The following CCDC171 variants were observed in gnomAD, a reference collection of about 807,000 sequenced individuals.
CCDC171 encodes the protein coiled-coil domain-containing protein 171.
A neutral mutation model predicts 168.2 loss-of-function variants in CCDC171; 177 were observed. The ratio of observed to expected loss-of-function variants is 1.05; its 90% CI spans 0.93 to 1.19. CCDC171 has a LOEUF of 1.19. CCDC171 is among the 50% of genes most tolerant of loss of function. The pLI, the probability that CCDC171 is intolerant of heterozygous loss-of-function variation, is 0.00. For synonymous variants in CCDC171, 687 were observed against 540.8 expected, an observed-to-expected ratio of 1.27 and a Z score of -3.75; for missense variants, 1,991 against 1,539.0, an observed-to-expected ratio of 1.29 and a Z score of -4.91.
At chr9:15,954,263 G>T (rs1191497730) in intron 25 of CCDC171, among the ~76,000 whole-genome samples, 4 of 150,968 alleles carry the variant, frequency 2.6e-5, no homozygotes, top group African/African-American at 9.7e-5. Context: ...AAGTAGTAAA[G>T]TTAGGTTGTC....
In CCDC171 at chr9:15,627,664, T is replaced by G. The variant is rs143898660; in HGVS notation, c.822+4251T>G. 3.3e-5 allele frequency among the ~76,000 whole-genome samples: 5 copies of G among 152,368 alleles called. No individual in the cohort carries two copies. In the East Asian group the frequency reaches 9.6e-4, roughly 29 times the overall value. ...TCTTAATCCTGAGTTCTAGTTTGAA[T>G]GCACTGTGGTCTTAGAGACAGTTTG... On this transcript the variant is annotated intron_variant, in intron 7 of 25. Transcript: ENST00000380701.
At chr9:15,764,268 G>C (rs2056605670) in intron 18 of CCDC171, among the ~76,000 whole-genome samples, 1 of 152,200 alleles carries the variant, frequency 6.6e-6, no homozygotes, top group East Asian at 1.9e-4. Flanking sequence ...CCATCGGAAA[G>C]TTTTGAGTGG....
chr9:15,727,092 CTT>C (rs2053854443), intron 14 of CCDC171, among the ~76,000 whole-genome samples: 1 of 152,066 alleles, frequency 6.6e-6, no homozygotes, highest in African/African-American at 2.4e-5. Context: ...TTTTAAAGGA[CTT>C]TTAAAAACAT....
At chr9:15,888,952 T>C (rs1819818113) in intron 24 of CCDC171, 1 of 86,496 alleles carries the variant, frequency 1.2e-5, no homozygotes. Flanking sequence ...TTCTTTTCTT[T>C]TTTTTTTTTT....
chr9:15,617,844 A>G (rs2044204692), intron 6 of CCDC171, among the ~76,000 whole-genome samples: 1 of 152,162 alleles, frequency 6.6e-6, no homozygotes, highest in Non-Finnish European at 1.5e-5. Flanking sequence ...AGGCTGGAGA[A>G]CAGCAAAGAT....
Position 15,874,582 on chromosome 9 carries a change from C to T in CCDC171, c.3519C>T (p.Phe1173=). Residue 1173 remains phenylalanine, a synonymous_variant, in exon 24 of 26, where the codon TTC becomes TTT. Coordinates refer to ENST00000380701, the MANE Select transcript of CCDC171 (RefSeq NM_173550.4). ...GGTCTGCGGCAAGTAGGAATGACTT[C>T]ACCCTACAGCTACCCAAACTGCACC... is the stretch of plus-strand genomic sequence containing the variant. ...LSWSAASRND[F]TLQLPKLHLE... The T allele has an allele frequency of 6.2e-7, 1 of 1,607,900 alleles. No individual in the cohort carries two copies. The highest frequency in any genetic ancestry group is 8.5e-7 in the Non-Finnish European group (1 of 1,177,242).
intron 9 of CCDC171, among the ~76,000 whole-genome samples, chr9:15,674,339 G>T (rs913674615): frequency 9.9e-5 from 15 of 152,106 alleles, no homozygotes; most frequent in African/African-American, 1.9e-4. Context: ...TTTTTGAAGG[G>T]TTTTTTGTGT....
chr9:16,033,376 C>T (rs932428841), intron 6 of CCDC171, among the ~76,000 whole-genome samples: 3 of 152,256 alleles, frequency 2.0e-5, no homozygotes, highest in Non-Finnish European at 2.9e-5. Flanking sequence ...CATTACGGCC[C>T]GAGCTCCACC....
intron 10 of CCDC171, 138 bp from the exon 11 acceptor site, chr9:15,695,097 G>A (rs910086362): frequency 1.1e-5 from 7 of 625,192 alleles, no homozygotes; most frequent in South Asian, 2.0e-5. Flanking sequence ...GTATGATTAA[G>A]AGAGAAAGAT....
At chr9:15,874,825 A>G in intron 24 of CCDC171, 162 bp downstream of exon 24, 1 of 679,352 alleles carries the variant, frequency 1.5e-6, no homozygotes, top group Non-Finnish European at 2.1e-6. Flanking sequence ...ACTTTACAAA[A>G]TATTGTTTTT....
intron 3 of CCDC171, among the ~76,000 whole-genome samples, chr9:15,574,538 C>T (rs1175712486): frequency 6.6e-6 from 1 of 152,134 alleles, no homozygotes; most frequent in South Asian, 2.1e-4. Context: ...CTCGACCTCC[C>T]AAAGTGCTGG....
At chr9:15,920,027 T>C (rs547687527) in intron 24 of CCDC171, among the ~76,000 whole-genome samples, 2 of 151,696 alleles carry the variant, frequency 1.3e-5, no homozygotes, top group African/African-American at 4.8e-5. Context: ...TTAAGCACAA[T>C]AGATCAAAGT....
rs1359223249 is a variant in CCDC171, at chr9:15,821,935, A to C, written c.3268-24767A>C. Among the ~76,000 whole-genome samples, 2 of 151,382 alleles carry C rather than the reference A, an allele frequency of 1.3e-5. 1 individual carries two copies. The highest frequency in any genetic ancestry group is 2.9e-5 in the Non-Finnish European group (2 of 67,848). On this transcript the variant is annotated intron_variant, in intron 21 of 25. Coordinates refer to ENST00000380701, the MANE Select transcript of CCDC171 (RefSeq NM_173550.4). ...ATCACGCTACCTGACTTCAAACTAT[A>C]CAACAAGGCTACAGTAACCAAAACA...
At chr9:16,071,626 C>G in the CCDC171 span, among the ~76,000 whole-genome samples, 1 of 152,234 alleles carries the variant, frequency 6.6e-6, no homozygotes, top group African/African-American at 2.4e-5. Flanking sequence ...TGGTATGTCC[C>G]TCCTGCTCCT....
chr9:16,018,343 A>G (rs1333060274), intron 3 of CCDC171, among the ~76,000 whole-genome samples: 1 of 152,120 alleles, frequency 6.6e-6, no homozygotes. Context: ...GATTCCATAT[A>G]CTCCCACATT....
At chr9:15,669,516 A>T (rs932124745) in intron 9 of CCDC171, among the ~76,000 whole-genome samples, 2 of 152,144 alleles carry the variant, frequency 1.3e-5, no homozygotes, top group Non-Finnish European at 2.9e-5. Flanking sequence ...AATATGTGAT[A>T]GATTATTGTT....
chr9:15,620,998 C>G (rs1285417567), intron 6 of CCDC171, among the ~76,000 whole-genome samples: 1 of 152,164 alleles, frequency 6.6e-6, no homozygotes, highest in Non-Finnish European at 1.5e-5. Flanking sequence ...CAGAGTCCTG[C>G]TCTCTCGCCC....
At chr9:15,743,607 T>C (rs1406014776) in intron 16 of CCDC171, among the ~76,000 whole-genome samples, 1 of 152,226 alleles carries the variant, frequency 6.6e-6, no homozygotes, top group Admixed American at 6.5e-5. Flanking sequence ...AAGTTTTGGA[T>C]TGTAAGCAAC....
rs559526565 is a variant in CCDC171, at chr9:15,598,963, G to A, written c.675+4791G>A. On this transcript the variant is annotated intron_variant, in intron 6 of 25. Transcript: ENST00000380701. ...TAAAGTCTGTTTTATCAGAGACTAG[G>A]ATTGCAACCCCTGCCTTTTTTGTTT... 5.3e-5 allele frequency among the ~76,000 whole-genome samples: 8 copies of A among 152,170 alleles called. No homozygotes were observed. In the East Asian group the frequency reaches 1.3e-3, roughly 26 times the overall value.
Sources: gnomAD v4.1 joint callset for allele counts (sites outside exome capture counted in the v4.1 genomes callset) on GRCh38, gnomAD v4.1.1 for gene constraint, MANE v1.5 for transcripts, NCBI Gene and HGNC (gene_info 2026-07-23, HGNC 2026-07-21) for gene names.